TBX4: variants seen among roughly 807,000 people sequenced by gnomAD.
TBX4 encodes T-box transcription factor TBX4.
In TBX4, 13 loss-of-function variants were observed where a neutral mutation model predicts 54.6. The ratio of observed to expected loss-of-function variants is 0.24; its 90% CI spans 0.15 to 0.38. The LOEUF is 0.38. Ranked by LOEUF, TBX4 falls within the 10% of genes least tolerant of loss-of-function variation. TBX4 has a pLI of 1.00. For missense variants in TBX4, 631 were observed against 728.5 expected (o/e 0.87, Z 1.54); for synonymous variants, 314 against 306.7 (o/e 1.02, Z -0.25).
rs554960869 is a variant in TBX4, at chr17:61,474,989, C to T, written c.550-3638C>T. 3.3e-5 allele frequency among the ~76,000 whole-genome samples: 5 copies of T among 152,286 alleles called. No individual in the cohort carries two copies. The highest frequency in any genetic ancestry group is 1.2e-4 in the African/African-American group (5 of 41,556). ...AGGCCCCACTTCATAGATGGGGACC[C>T]CAATGGTTGGAGAAGGAGAAGAGCT... On this transcript the variant is annotated intron_variant, in intron 5 of 8. Transcript: ENST00000644296. The surrounding 1 kb of genome is among the most constrained non-coding windows in gnomAD (Gnocchi z 4.6).
At position 61,478,663 on chromosome 17, in the gene TBX4, C is replaced by T; in HGVS notation, c.586C>T (p.Leu196Phe). Residue 196 changes from leucine to phenylalanine, a missense_variant, in exon 6 of 9, where the codon CTC becomes TTC. By Grantham distance (22) the Leu-to-Phe change is conservative (BLOSUM62 0). Coordinates refer to ENST00000644296, the MANE Select transcript of TBX4 (RefSeq NM_001321120.2). The surrounding 1 kb of genome is among the most constrained non-coding windows in gnomAD (Gnocchi z 7.4). ...LNSMHKYQPRLHIVKADENNA... is the reference protein window; with the variant it reads ...LNSMHKYQPRFHIVKADENNA... Reference sequence around the variant, plus strand: ...CTCTATGCACAAGTACCAGCCGCGGCTCCACATCGTTAAGGCTGATGAGAA... The same window carrying T: ...CTCTATGCACAAGTACCAGCCGCGGTTCCACATCGTTAAGGCTGATGAGAA... 6.2e-7 allele frequency: 1 copy of T among 1,614,202 alleles called. No homozygotes were observed. Among genetic ancestry groups the T allele is most frequent in the Non-Finnish European group, 8.5e-7 (1 of 1,180,014 alleles).
Position 61,483,076 on chromosome 17 carries a change from G to C in TBX4, c.1201G>C (p.Glu401Gln), listed in dbSNP as rs765739860. The change falls in exon 9 of 9, where the codon GAG becomes CAG. Residue 401 changes from glutamate (E) to glutamine (Q), a missense_variant. Around this residue, in one of 3 missense-constraint regions of TBX4, gnomAD observed 354 missense variants for 368.9 expected, o/e 0.96. Coordinates refer to ENST00000644296, the MANE Select transcript of TBX4 (RefSeq NM_001321120.2). The surrounding 1 kb of genome is among the most constrained non-coding windows in gnomAD (Gnocchi z 6.6). ...ATGTATGTACTCAGGTTCAGGGCCCGAGATTGCCGGGGTGTCTGGGGTGGA... is the reference window on the plus strand; with the variant it reads ...ATGTATGTACTCAGGTTCAGGGCCCCAGATTGCCGGGGTGTCTGGGGTGGA... ...EACMYSGSGPEIAGVSGVDDL... is the reference protein window; with the variant it reads ...EACMYSGSGPQIAGVSGVDDL... 6.2e-7 allele frequency: 1 copy of C among 1,614,070 alleles called. No homozygotes were observed. The highest frequency in any genetic ancestry group is 8.5e-7 in the Non-Finnish European group (1 of 1,180,026).
At position 61,472,116 on chromosome 17, in the gene TBX4, TG is replaced by T. The variant is rs1032435763; in HGVS notation, c.549+4460del. 4.6e-5 allele frequency among the ~76,000 whole-genome samples: 7 copies of T among 152,294 alleles called. No individual in the cohort carries two copies. The highest frequency in any genetic ancestry group is 4.1e-4 in the South Asian group (2 of 4,826). On this transcript the variant is annotated intron_variant, in intron 5 of 8. Transcript: ENST00000644296. This position sits in a 1 kb window ranked among gnomAD's most constrained non-coding sequence, Gnocchi z 4.5. ...GCCAGTTCTTGTTGAAGGAATTAGA[TG>T]TTTTTTTATTCTTTGCTCTTCTGAT...
Position 61,464,950 on chromosome 17 carries a change from G to A in TBX4, c.282-869G>A, listed in dbSNP as rs2060524105. On this transcript the variant is annotated intron_variant, in intron 3 of 8. Coordinates refer to ENST00000644296, the MANE Select transcript of TBX4 (RefSeq NM_001321120.2). This position sits in a 1 kb window ranked among gnomAD's most constrained non-coding sequence, Gnocchi z 5.8. Reference sequence around the variant, plus strand: ...ACCACTTCTCCATTTACTTTGCTGAGGGAGGAGTGCAGCAGGGGTCCGTGG... The same window carrying A: ...ACCACTTCTCCATTTACTTTGCTGAAGGAGGAGTGCAGCAGGGGTCCGTGG... Among the ~76,000 whole-genome samples, 1 of 152,206 alleles carries A rather than the reference G, an allele frequency of 6.6e-6. No individual in the cohort carries two copies.
At position 61,459,644 on chromosome 17, in the gene TBX4, A is replaced by T. The variant is rs946134773; in HGVS notation, c.281+2013A>T. Among the ~76,000 whole-genome samples, 2 of 152,174 alleles carry T rather than the reference A, an allele frequency of 1.3e-5. No homozygotes were observed. Among genetic ancestry groups the T allele is most frequent in the Admixed American group, 1.3e-4 (2 of 15,278 alleles). ...CATACACTTATACACATACTTCCATAGGTGGCCAGCTTCAGGCAGATGTTT... is the reference window on the plus strand; with the variant it reads ...CATACACTTATACACATACTTCCATTGGTGGCCAGCTTCAGGCAGATGTTT... On this transcript the variant is annotated intron_variant, in intron 3 of 8. Coordinates refer to ENST00000644296, the MANE Select transcript of TBX4 (RefSeq NM_001321120.2). The surrounding 1 kb of genome is among the most constrained non-coding windows in gnomAD (Gnocchi z 4.8).
At position 61,457,815 on chromosome 17, in the gene TBX4, C is replaced by A. The variant is rs1286064050; in HGVS notation, c.281+184C>A. On this transcript the variant is annotated intron_variant, in intron 3 of 8. Transcript: ENST00000644296. This position sits in a 1 kb window ranked among gnomAD's most constrained non-coding sequence, Gnocchi z 8.2. Reference sequence around the variant, plus strand: ...GCCGCCAAAGCCCGCAGGGGGCCACCGCAGCCGCGCGGGCCTTGCGGGAAA... The same window carrying A: ...GCCGCCAAAGCCCGCAGGGGGCCACAGCAGCCGCGCGGGCCTTGCGGGAAA... 1.3e-5 allele frequency among the ~76,000 whole-genome samples: 2 copies of A among 152,180 alleles called. No homozygotes were observed. The highest frequency in any genetic ancestry group is 4.8e-5 in the African/African-American group (2 of 41,450).
chr17:61,462,551 G>C lies in TBX4; in HGVS notation c.282-3268G>C, dbSNP rs1411216253. ...TAGGGGGCATAGGGAGAGGGTGCAG[G>C]GAGGGGAGAGGGGGAGCGCGCAAGG... On this transcript the variant is annotated intron_variant, in intron 3 of 8. Transcript: ENST00000644296. This position sits in a 1 kb window ranked among gnomAD's most constrained non-coding sequence, Gnocchi z 4.5. Among the ~76,000 whole-genome samples, 1 of 151,776 alleles carries C rather than the reference G, an allele frequency of 6.6e-6. No individual in the cohort carries two copies. Among genetic ancestry groups the C allele is most frequent in the African/African-American group, 2.4e-5 (1 of 41,316 alleles).
chr17:61,472,486 G>T lies in TBX4; in HGVS notation c.549+4829G>T, dbSNP rs912406640. The stretch of plus-strand genomic sequence containing the variant: ...TTGCTCATTTTTCTTGTAGGTTTTT[G>T]ATATCAATTTCTAGGAACTCTTATA... On this transcript the variant is annotated intron_variant, in intron 5 of 8. Coordinates refer to ENST00000644296, the MANE Select transcript of TBX4 (RefSeq NM_001321120.2). This position sits in a 1 kb window ranked among gnomAD's most constrained non-coding sequence, Gnocchi z 4.5. 3.9e-5 allele frequency among the ~76,000 whole-genome samples: 6 copies of T among 152,118 alleles called. No individual in the cohort carries two copies. Among genetic ancestry groups the T allele is most frequent in the East Asian group, 1.9e-4 (1 of 5,198 alleles).
chr17:61,473,522 G>A (rs1419875481), intron 5 of TBX4, among the ~76,000 whole-genome samples: 1 of 152,206 alleles, frequency 6.6e-6, no homozygotes, highest in Non-Finnish European at 1.5e-5. Context: ...TGGGGACCCA[G>A]AGCTATTTAT....
chr17:61,479,885 C>A lies in TBX4; in HGVS notation c.707C>A (p.Thr236Asn). The change falls in exon 7 of 9, where the codon ACC becomes AAC. Residue 236 changes from threonine to asparagine, a missense_variant. Physicochemically the swap from Thr to Asn is moderately conservative, Grantham distance 65. Around this residue, in one of 3 missense-constraint regions of TBX4, gnomAD observed 154 missense variants for 238.6 expected, o/e 0.65. Coordinates refer to ENST00000644296, the MANE Select transcript of TBX4 (RefSeq NM_001321120.2). The surrounding 1 kb of genome is among the most constrained non-coding windows in gnomAD (Gnocchi z 6.1). ...CTATGTGTTTTCTCCCCACAGATCA[C>A]CCAGCTGAAAATTGAGAACAACCCT... ...SVTSYQNHKI[T>N]QLKIENNPFA... 1 of 1,614,174 alleles carries A rather than the reference C, an allele frequency of 6.2e-7. No individual in the cohort carries two copies. The highest frequency in any genetic ancestry group is 8.5e-7 in the Non-Finnish European group (1 of 1,180,028).
intron 5 of TBX4, among the ~76,000 whole-genome samples, chr17:61,469,811 G>A (rs1185152781): frequency 6.6e-6 from 1 of 152,206 alleles, no homozygotes; most frequent in Admixed American, 6.5e-5. Flanking sequence ...CCGTGCCCGT[G>A]GGAGTGGTGA....
rs1421746080 is a variant in TBX4, at chr17:61,464,231, C to T, written c.282-1588C>T. On this transcript the variant is annotated intron_variant, in intron 3 of 8. Transcript: ENST00000644296. This position sits in a 1 kb window ranked among gnomAD's most constrained non-coding sequence, Gnocchi z 5.8. Reference sequence around the variant, plus strand: ...GCACACACACCCCACATCCCCACGTCCCCGCCCTGCAGTGCTTGCACAGGC... The same window carrying T: ...GCACACACACCCCACATCCCCACGTTCCCGCCCTGCAGTGCTTGCACAGGC... 5 of 152,374 alleles carry T rather than the reference C, an allele frequency of 3.3e-5. No homozygotes were observed. The highest frequency in any genetic ancestry group is 1.2e-4 in the African/African-American group (5 of 41,474). The allele number at this position is 152,374 out of a possible 1,614,324, so 9.4% of individuals were successfully genotyped here. A position where few individuals can be genotyped will look rare whatever the true frequency, so the allele number is the denominator to read the frequency against.
rs1374965421 is a variant in TBX4, at chr17:61,459,748, G to A, written c.281+2117G>A. Among the ~76,000 whole-genome samples the A allele has an allele frequency of 6.6e-6, 1 of 152,110 alleles. No homozygotes were observed. Among genetic ancestry groups the A allele is most frequent in the Non-Finnish European group, 1.5e-5 (1 of 68,036 alleles). On this transcript the variant is annotated intron_variant, in intron 3 of 8. Coordinates refer to ENST00000644296, the MANE Select transcript of TBX4 (RefSeq NM_001321120.2). The surrounding 1 kb of genome is among the most constrained non-coding windows in gnomAD (Gnocchi z 4.8). ...TTTCTAAAATGGCTGTGATGATGTT[G>A]GCCAATTATGGATCCATCACAGCCT... is the stretch of plus-strand genomic sequence containing the variant.
At chr17:61,466,763 C>T (rs2060540218) in intron 4 of TBX4, among the ~76,000 whole-genome samples, 1 of 152,226 alleles carries the variant, frequency 6.6e-6, no homozygotes, top group African/African-American at 2.4e-5. Flanking sequence ...GGGAGAGCTA[C>T]CAATTAATTT....
rs1014165748 is a variant in TBX4, at chr17:61,452,556, C to G, written c.-25C>G. On this transcript the variant is annotated 5_prime_UTR_variant, in exon 1 of 9. Transcript: ENST00000644296. The stretch of plus-strand genomic sequence containing the variant: ...GGGGACCTCGGGCCGCTGGCGCCTC[C>G]GCATGCGGCACCGCAATTAGGGTGA... 1 of 152,290 alleles carries G rather than the reference C, an allele frequency of 6.6e-6. No homozygotes were observed. Among genetic ancestry groups the G allele is most frequent in the Non-Finnish European group, 1.5e-5 (1 of 68,124 alleles). 9.4% of individuals were successfully genotyped at this position (152,290 alleles called of 1,614,324 possible). A position where few individuals can be genotyped will look rare whatever the true frequency, so the allele number is the denominator to read the frequency against.
rs2060659119 is a variant in TBX4 at position 61,480,930 on chromosome 17, C to T, written c.1021+611C>T. On this transcript the variant is annotated intron_variant, in intron 8 of 8. Transcript: ENST00000644296. The surrounding 1 kb of genome is among the most constrained non-coding windows in gnomAD (Gnocchi z 6.2). ...GGCACCATCACATCTGTGCTCTGTG[C>T]CAGGTCTTGATTCCTCCATGGATAG... 6.6e-6 allele frequency among the ~76,000 whole-genome samples: 1 copy of T among 152,164 alleles called. No homozygotes were observed. Among genetic ancestry groups the T allele is most frequent in the African/African-American group, 2.4e-5 (1 of 41,434 alleles).
intron 5 of TBX4, among the ~76,000 whole-genome samples, chr17:61,477,766 C>A (rs2060631356): frequency 6.6e-6 from 1 of 151,920 alleles, no homozygotes; most frequent in Non-Finnish European, 1.5e-5. Context: ...CATGGTGAAA[C>A]CCTGTCTCTT....
chr17:61,480,421 A>C lies in TBX4; in HGVS notation c.1021+102A>C. 1.0e-5 allele frequency: 10 copies of C among 994,724 alleles called. No individual in the cohort carries two copies. The highest frequency in any genetic ancestry group is 2.6e-5 in the East Asian group (1 of 38,200). 61.6% of individuals were successfully genotyped at this position (994,724 alleles called of 1,614,324 possible). ...CCCCCCCCCCAACACACACACACTC[A>C]TCTCGTGCTTGTGTGGCCTGGGAGA... On this transcript the variant is annotated intron_variant, in intron 8 of 8. Coordinates refer to ENST00000644296, the MANE Select transcript of TBX4 (RefSeq NM_001321120.2). The surrounding 1 kb of genome is among the most constrained non-coding windows in gnomAD (Gnocchi z 6.2).
chr17:61,482,934 A>G lies in TBX4; in HGVS notation c.1059A>G (p.Arg353=), dbSNP rs747237133. ...GTRHLDLPCK[R]SYLEAPSSVG... is the part of the protein sequence containing the mutation. ...GCCACCTGGACTTACCTTGCAAGCG[A>G]TCCTATCTGGAAGCCCCCTCTTCGG... Residue 353 remains arginine (R), a synonymous_variant, in exon 9 of 9, where the codon CGA becomes CGG. Transcript: ENST00000644296. 2 of 1,613,708 alleles carry G rather than the reference A, an allele frequency of 1.2e-6. No homozygotes were observed. The highest frequency in any genetic ancestry group is 1.7e-5 in the Admixed American group (1 of 59,974).
Sources: allele counts gnomAD v4.1 joint callset (sites outside exome capture counted in the v4.1 genomes callset), GRCh38; gene constraint gnomAD v4.1.1; regional missense constraint gnomAD v4.1.1; non-coding constraint Gnocchi (gnomAD v3.1); transcripts MANE v1.5; gene names NCBI Gene and HGNC (gene_info 2026-07-23, HGNC 2026-07-21).